The following GRID1 variants were observed in gnomAD, a reference collection of about 807,000 sequenced individuals.
GRID1 encodes the protein glutamate ionotropic receptor delta type subunit 1.
GRID1 carries 28 observed loss-of-function variants against 98.0 expected under a neutral mutation model. That is an observed-to-expected ratio of 0.29 (90% CI 0.21 to 0.39). The LOEUF (loss-of-function observed/expected upper bound fraction) is 0.39, where lower values mean the gene tolerates loss of function less well. GRID1 is among the 10% of genes least tolerant of loss of function. The probability of loss-of-function intolerance (pLI) is 1.00; values close to 1 mark genes in which losing one functional copy is unlikely to be tolerated. For synonymous variants in GRID1, 553 were observed against 538.5 expected (o/e 1.03, Z -0.37); for missense variants, 1,111 against 1,340.5 (o/e 0.83, Z 2.67).
chr10:85,820,067 CAGGA>C (rs1564600269), intron 8 of GRID1, among the ~76,000 whole-genome samples: 51 of 91,372 alleles, frequency 5.6e-4, no homozygotes, highest in South Asian at 3.4e-3. Flanking sequence ...GGCAGGCAGG[CAGGA>C]AGGCAGGTAG....
At chr10:85,614,326 G>A (rs1564677775) in intron 14 of GRID1, among the ~76,000 whole-genome samples, 3 of 152,206 alleles carry the variant, frequency 2.0e-5, no homozygotes, top group African/African-American at 7.2e-5. Flanking sequence ...CCTCACTAAG[G>A]AGCTAACATG....
intron 8 of GRID1, among the ~76,000 whole-genome samples, chr10:85,740,591 TC>T (rs1457386316): frequency 6.6e-6 from 1 of 152,116 alleles, no homozygotes. Flanking sequence ...ACTCATCCTT[TC>T]AATATCATTC....
chr10:85,996,829 C>CA (rs200832384), intron 4 of GRID1, among the ~76,000 whole-genome samples: 9,571 of 67,600 alleles, frequency 0.14, 393 homozygotes, highest in East Asian at 0.31. Context: ...AACTCCATCT[C>CA]AAAAAAAAAA....
At chr10:86,009,299 G>A (rs751107751) in intron 4 of GRID1, among the ~76,000 whole-genome samples, 3 of 151,974 alleles carry the variant, frequency 2.0e-5, no homozygotes, top group Non-Finnish European at 4.4e-5. Context: ...TACCACAAAC[G>A]AAATTTCTAC....
chr10:85,930,253 TGCG>T (rs1841831701), intron 4 of GRID1, among the ~76,000 whole-genome samples: 4 of 97,546 alleles, frequency 4.1e-5, no homozygotes, highest in African/African-American at 1.6e-4. Flanking sequence ...ACAAATAACT[TGCG>T]GTTATTTATA....
At chr10:85,861,812 T>A (rs929635433) in intron 6 of GRID1, among the ~76,000 whole-genome samples, 2 of 152,212 alleles carry the variant, frequency 1.3e-5, no homozygotes, top group African/African-American at 4.8e-5. Context: ...GCTCAGGGGT[T>A]TCAGTCCTGG....
At chr10:86,092,834 C>T (rs182083275) in intron 4 of GRID1, among the ~76,000 whole-genome samples, 15 of 152,200 alleles carry the variant, frequency 9.9e-5, no homozygotes, top group South Asian at 2.1e-4. Context: ...TCATCAAGAC[C>T]GAAAGTCAAC....
chr10:86,210,660 C>T (rs1413924797), intron 2 of GRID1, among the ~76,000 whole-genome samples: 2 of 152,218 alleles, frequency 1.3e-5, no homozygotes, highest in African/African-American at 2.4e-5. Context: ...GCGTTGTAAG[C>T]GCCAGGCCTC....
At chr10:86,174,001 A>C (rs1409483298) in intron 3 of GRID1, among the ~76,000 whole-genome samples, 1 of 152,088 alleles carries the variant, frequency 6.6e-6, no homozygotes, top group Non-Finnish European at 1.5e-5. Flanking sequence ...GTTGGTTCCA[A>C]GTCTTTGCTA....
intron 4 of GRID1, among the ~76,000 whole-genome samples, chr10:86,124,479 A>G (rs894768740): frequency 6.6e-6 from 1 of 152,112 alleles, no homozygotes; most frequent in Admixed American, 6.5e-5. Context: ...ACATCCTTCC[A>G]GTCTCTCAAT....
intron 8 of GRID1, among the ~76,000 whole-genome samples, chr10:85,853,681 T>G (rs1350814087): frequency 6.6e-6 from 1 of 152,174 alleles, no homozygotes; most frequent in Admixed American, 6.5e-5. Context: ...ATACCCACCA[T>G]CAGCTCCACA....
chr10:85,708,790 A>T (rs1015333543), intron 12 of GRID1: 2 of 154,288 alleles, frequency 1.3e-5, no homozygotes, highest in African/African-American at 4.8e-5. Context: ...GGTTGTAATG[A>T]ACAAAATGTT....
intron 2 of GRID1, among the ~76,000 whole-genome samples, chr10:86,328,372 T>C (rs1428272205): frequency 6.6e-6 from 1 of 152,238 alleles, no homozygotes; most frequent in Non-Finnish European, 1.5e-5. Context: ...GTTTGTGTAT[T>C]ATTTGTGACA....
At chr10:85,880,201 G>A (rs559195897) in intron 5 of GRID1, among the ~76,000 whole-genome samples, 1 of 152,314 alleles carries the variant, frequency 6.6e-6, no homozygotes, top group East Asian at 1.9e-4. Context: ...GTACAAGGAG[G>A]AGCTGGTACC....
chr10:86,016,586 G>A (rs548134797), intron 4 of GRID1, among the ~76,000 whole-genome samples: 11 of 152,232 alleles, frequency 7.2e-5, no homozygotes, highest in Middle Eastern at 3.4e-3. Flanking sequence ...CGAGAACAGC[G>A]TCTAGCACAA....
intron 3 of GRID1, among the ~76,000 whole-genome samples, chr10:86,205,666 T>C (rs1846015836): frequency 6.6e-6 from 1 of 152,204 alleles, no homozygotes; most frequent in African/African-American, 2.4e-5. Context: ...TTCAAAAAAA[T>C]TGTTTAAACA....
At chr10:85,828,229 T>TAG (rs1842836881) in intron 8 of GRID1, among the ~76,000 whole-genome samples, 3 of 152,120 alleles carry the variant, frequency 2.0e-5, no homozygotes, top group African/African-American at 7.2e-5. Flanking sequence ...AAGAAATGAT[T>TAG]TGAAACTAAT....
At chr10:85,953,877 C>G (rs1361781491) in intron 4 of GRID1, among the ~76,000 whole-genome samples, 1 of 152,118 alleles carries the variant, frequency 6.6e-6, no homozygotes, top group Non-Finnish European at 1.5e-5. Flanking sequence ...TAGTGTGGGA[C>G]AATGTTTTCC....
intron 2 of GRID1, among the ~76,000 whole-genome samples, chr10:86,350,917 C>A (rs1848453217): frequency 6.6e-6 from 1 of 152,164 alleles, no homozygotes; most frequent in African/African-American, 2.4e-5. Context: ...AACTTTGTGT[C>A]CCTTAACCAT....
Sources: gnomAD v4.1 joint callset for allele counts (sites outside exome capture counted in the v4.1 genomes callset) on GRCh38, gnomAD v4.1.1 for gene constraint, MANE v1.5 for transcripts, NCBI Gene and HGNC (gene_info 2026-07-23, HGNC 2026-07-21) for gene names.